ADGRB3: variants seen among roughly 807,000 people sequenced by gnomAD.
ADGRB3 encodes brain-specific angiogenesis inhibitor 3.
In ADGRB3, 37 loss-of-function variants were observed where a neutral mutation model predicts 193.4. The observed-to-expected ratio is 0.19, with a 90% CI of 0.15 to 0.25. ADGRB3 has a LOEUF of 0.25. Among genes scored for constraint, ADGRB3 ranks in the 10% least tolerant of loss-of-function variants. The pLI, the probability that ADGRB3 is intolerant of heterozygous loss-of-function variation, is 1.00. For synonymous variants in ADGRB3, 690 were observed against 644.2 expected (o/e 1.07, Z -1.08); for missense variants, 1,637 against 1,852.9 (o/e 0.88, Z 2.14).
intron 26 of ADGRB3, among the ~76,000 whole-genome samples, chr6:69,340,690 T>A (rs1403179415): frequency 6.6e-6 from 1 of 152,170 alleles, no homozygotes; most frequent in Admixed American, 6.5e-5. Context: ...TAGGTATACA[T>A]GTGCCATGGT....
intron 3 of ADGRB3, among the ~76,000 whole-genome samples, chr6:68,795,221 A>C (rs1767183246): frequency 6.6e-6 from 1 of 152,162 alleles, no homozygotes; most frequent in Admixed American, 6.5e-5. Context: ...TTATCACTTT[A>C]ATAATCACAA....
At chr6:69,200,978 A>T (rs933443408) in intron 17 of ADGRB3, among the ~76,000 whole-genome samples, 3 of 152,148 alleles carry the variant, frequency 2.0e-5, no homozygotes, top group African/African-American at 7.2e-5. Flanking sequence ...TTATTTAATA[A>T]GCAACATAAG....
rs139495367 is a variant in ADGRB3, at chr6:68,846,064, G to A, written c.758-84495G>A. ...CTCAGATGGAGATGAAGAACCTCTC[G>A]GAAGCTAGAGTAAAGGTGACTCTTG... On this transcript the variant is annotated intron_variant, in intron 3 of 31. Coordinates refer to ENST00000370598, the MANE Select transcript of ADGRB3 (RefSeq NM_001704.3). Among the ~76,000 whole-genome samples the A allele has an allele frequency of 3.1e-4, 47 of 152,262 alleles. No individual in the cohort carries two copies. In the East Asian group the frequency reaches 5.6e-3, roughly 18 times the overall value.
intron 31 of ADGRB3, among the ~76,000 whole-genome samples, chr6:69,384,965 T>TTTTC (rs1770035052): frequency 7.3e-6 from 1 of 136,556 alleles, no homozygotes; most frequent in African/African-American, 3.2e-5. Flanking sequence ...CTTTTCTTTT[T>TTTTC]TTTTTTTTCC....
intron 3 of ADGRB3, among the ~76,000 whole-genome samples, chr6:68,779,129 C>T (rs1766805858): frequency 6.6e-6 from 1 of 151,830 alleles, no homozygotes; most frequent in Non-Finnish European, 1.5e-5. Flanking sequence ...CACACACACA[C>T]TCACACATAT....
At chr6:68,660,481 G>T (rs1226860567) in intron 3 of ADGRB3, among the ~76,000 whole-genome samples, 1 of 150,734 alleles carries the variant, frequency 6.6e-6, no homozygotes, top group Non-Finnish European at 1.5e-5. Context: ...ACCTTGTGTA[G>T]GCCATACCAG....
intron 3 of ADGRB3, among the ~76,000 whole-genome samples, chr6:68,641,964 T>C (rs1012003577): frequency 1.3e-5 from 2 of 152,084 alleles, no homozygotes. Context: ...GTACTAATCA[T>C]ATCTCATTTT....
intron 17 of ADGRB3, among the ~76,000 whole-genome samples, chr6:69,078,663 T>G (rs1772301773): frequency 6.6e-6 from 1 of 152,076 alleles, no homozygotes; most frequent in Admixed American, 6.6e-5. Context: ...TGCTTCTGTG[T>G]ATCTCCTTGT....
At chr6:69,195,800 A>G (rs901382326) in intron 17 of ADGRB3, among the ~76,000 whole-genome samples, 3 of 152,168 alleles carry the variant, frequency 2.0e-5, no homozygotes, top group Non-Finnish European at 2.9e-5. Context: ...TCTCTGGCCT[A>G]TGCCACGTTT....
At chr6:68,699,872 G>A (rs1037755569) in intron 3 of ADGRB3, among the ~76,000 whole-genome samples, 2 of 152,006 alleles carry the variant, frequency 1.3e-5, no homozygotes, top group African/African-American at 4.8e-5. Context: ...TGTAGTAAGG[G>A]ATTCAAGCAA....
chr6:69,079,012 T>G (rs1040915629), intron 17 of ADGRB3, among the ~76,000 whole-genome samples: 10 of 152,096 alleles, frequency 6.6e-5, no homozygotes, highest in Non-Finnish European at 1.0e-4. Context: ...TATCAGTTGA[T>G]AAATATTTCT....
At chr6:69,118,614 A>G (rs1293482591) in intron 17 of ADGRB3, among the ~76,000 whole-genome samples, 2 of 151,864 alleles carry the variant, frequency 1.3e-5, no homozygotes, top group East Asian at 3.9e-4. Context: ...CACATTTTAT[A>G]TTTTCAGTCT....
In ADGRB3 at chr6:68,975,241, T is replaced by G. The variant is rs755332963; in HGVS notation, c.1635T>G (p.Thr545=). Reference sequence around the variant, plus strand: ...GTTCTTTGTGACACACAGGCACCACTAGCAGACGCTGCTCTCTCAGTCTTC... The same window carrying G: ...GTTCTTTGTGACACACAGGCACCACGAGCAGACGCTGCTCTCTCAGTCTTC... ...NQCPLNATGT[T]SRRCSLSLHG... is the part of the protein sequence containing the mutation. Residue 545 remains threonine, a synonymous_variant, in exon 10 of 32, where the codon ACT becomes ACG. Transcript: ENST00000370598. 25 of 1,613,822 alleles carry G rather than the reference T, an allele frequency of 1.5e-5. No individual in the cohort carries two copies. The Admixed American group carries it at 4.2e-4, about 27-fold the overall frequency.
rs543951060 is a variant in ADGRB3 at position 69,230,350 on chromosome 6, G to A, written c.2481-2940G>A. 3.3e-5 allele frequency among the ~76,000 whole-genome samples: 5 copies of A among 152,252 alleles called. No homozygotes were observed. In the South Asian group the frequency reaches 1.0e-3, roughly 32 times the overall value. On this transcript the variant is annotated intron_variant, in intron 17 of 31. Coordinates refer to ENST00000370598, the MANE Select transcript of ADGRB3 (RefSeq NM_001704.3). ...CATTTATTATAGCATGCAAAACTGT[G>A]ACATTGGAAGAATAATGTGACTGCT...
intron 3 of ADGRB3, among the ~76,000 whole-genome samples, chr6:68,901,839 A>G (rs930186244): frequency 6.6e-6 from 1 of 152,202 alleles, no homozygotes; most frequent in Non-Finnish European, 1.5e-5. Context: ...AAGTAAAGCA[A>G]TGTTGTCAAG....
chr6:68,980,712 T>C (rs1562109216), intron 10 of ADGRB3, among the ~76,000 whole-genome samples: 3 of 151,582 alleles, frequency 2.0e-5, no homozygotes, highest in Non-Finnish European at 3.0e-5. Flanking sequence ...TCATAGGAAC[T>C]AGCAGATGGA....
At chr6:69,352,813 G>A (rs1422015855) in intron 26 of ADGRB3, among the ~76,000 whole-genome samples, 1 of 152,172 alleles carries the variant, frequency 6.6e-6, no homozygotes, top group Admixed American at 6.5e-5. Context: ...GGTATATTAT[G>A]AATATCTCAC....
chr6:69,199,643 A>G (rs966348395), intron 17 of ADGRB3, among the ~76,000 whole-genome samples: 3 of 152,150 alleles, frequency 2.0e-5, no homozygotes, highest in South Asian at 2.1e-4. Flanking sequence ...TTAGTGGTTC[A>G]GGACAAAGTT....
chr6:68,965,917 ATAAT>A (rs751590209), intron 8 of ADGRB3, among the ~76,000 whole-genome samples: 2 of 152,198 alleles, frequency 1.3e-5, no homozygotes, highest in Admixed American at 6.5e-5. Context: ...AACAGAAAAA[ATAAT>A]TAAAACAAAT....
Sources: allele counts gnomAD v4.1 joint callset (sites outside exome capture counted in the v4.1 genomes callset), GRCh38; gene constraint gnomAD v4.1.1; transcripts MANE v1.5; gene names NCBI Gene and HGNC (gene_info 2026-07-23, HGNC 2026-07-21).